KCNIP1: variants seen among roughly 807,000 people sequenced by gnomAD.
KCNIP1 encodes A-type potassium channel modulatory protein KCNIP1.
Under a neutral mutation model 33.0 loss-of-function variants are expected in KCNIP1, and 18 were observed. The observed-to-expected ratio is 0.55, with a 90% confidence interval of 0.38 to 0.81. The LOEUF (loss-of-function observed/expected upper bound fraction) is 0.81, where lower values mean the gene tolerates loss of function less well. Ranked by LOEUF, KCNIP1 falls within the 30% of genes least tolerant of loss-of-function variation. The probability of loss-of-function intolerance (pLI) is 0.00; values close to 1 mark genes in which losing one functional copy is unlikely to be tolerated. For missense variants in KCNIP1, 238 were observed against 271.6 expected (o/e 0.88, Z 0.87); for synonymous variants, 93 against 98.3 (o/e 0.95, Z 0.32).
At chr5:170,564,892 T>C (rs1360444572) in intron 1 of KCNIP1, among the ~76,000 whole-genome samples, 1 of 152,112 alleles carries the variant, frequency 6.6e-6, no homozygotes, top group East Asian at 1.9e-4. Flanking sequence ...TCATTTGCCA[T>C]ATACAGAAAC....
exon 1 of KCNIP1, chr5:170,353,622 C>T: frequency 1.8e-6 from 1 of 562,206 alleles, no homozygotes; most frequent in East Asian, 3.0e-5. Flanking sequence ...ATCCTGAGGT[C>T]CTCCCGTGGT....
At chr5:170,561,740 A>G (rs1350770954) in intron 1 of KCNIP1, among the ~76,000 whole-genome samples, 1 of 152,204 alleles carries the variant, frequency 6.6e-6, no homozygotes, top group East Asian at 1.9e-4. Context: ...AGTTCAATAC[A>G]GTATATATTC....
intron 1 of KCNIP1, among the ~76,000 whole-genome samples, chr5:170,622,744 G>C (rs1372633230): frequency 6.6e-6 from 1 of 152,116 alleles, no homozygotes; most frequent in East Asian, 1.9e-4. Flanking sequence ...CAGAAGCCAG[G>C]GAAGCCTAGG....
intron 1 of KCNIP1, among the ~76,000 whole-genome samples, chr5:170,453,199 T>C (rs1756296423): frequency 6.6e-6 from 1 of 152,192 alleles, no homozygotes; most frequent in African/African-American, 2.4e-5. Flanking sequence ...GAGCATTTGC[T>C]CTCAAAATGC....
chr5:170,681,462 T>A, intron 1 of KCNIP1: 1 of 249,758 alleles, frequency 4.0e-6, no homozygotes, highest in Non-Finnish European at 7.6e-6. Flanking sequence ...GATTATTAGC[T>A]ATGGGTGAGG....
intron 1 of KCNIP1, among the ~76,000 whole-genome samples, chr5:170,455,942 A>T (rs2113088872): frequency 6.6e-6 from 1 of 152,364 alleles, no homozygotes; most frequent in African/African-American, 2.4e-5. Context: ...CATTTGACCC[A>T]GCAATCCCAT....
intron 1 of KCNIP1, among the ~76,000 whole-genome samples, chr5:170,567,040 A>G (rs1757227787): frequency 6.6e-6 from 1 of 152,246 alleles, no homozygotes; most frequent in African/African-American, 2.4e-5. Flanking sequence ...ACAGAAATGC[A>G]TAAATCCCAG....
chr5:170,729,374 G>A (rs577009502), intron 5 of KCNIP1, among the ~76,000 whole-genome samples: 12 of 152,128 alleles, frequency 7.9e-5, no homozygotes, highest in South Asian at 4.1e-4. Context: ...ATATTCCTCA[G>A]TAGACATTCA....
chr5:170,715,917 C>T (rs907930622), intron 1 of KCNIP1, among the ~76,000 whole-genome samples: 1 of 152,230 alleles, frequency 6.6e-6, no homozygotes, highest in Non-Finnish European at 1.5e-5. Context: ...GGTTCACGCT[C>T]TTCTCTCCTC....
chr5:170,630,312 A>T (rs1341357284), intron 1 of KCNIP1, among the ~76,000 whole-genome samples: 1 of 152,236 alleles, frequency 6.6e-6, no homozygotes, highest in Non-Finnish European at 1.5e-5. Context: ...AGCACCGATG[A>T]CTTAATGTAC....
At position 170,366,300 on chromosome 5, in the gene KCNIP1, G is replaced by A. The variant is rs536323327; in HGVS notation, c.88+12336G>A. On this transcript the variant is annotated intron_variant, in intron 1 of 7. Transcript: ENST00000377360. ...TGTCTTTGTATAGAGTCCACCGGGG[G>A]CTCAACAGAGGAGGTGGAGGAGGCC... Among the ~76,000 whole-genome samples, 104 of 152,232 alleles carry A rather than the reference G, an allele frequency of 6.8e-4. 1 individual carries two copies. Among genetic ancestry groups the A allele is most frequent in the Non-Finnish European group, 1.4e-3 (94 of 68,046 alleles).
intron 1 of KCNIP1, among the ~76,000 whole-genome samples, chr5:170,517,603 T>C (rs1755178557): frequency 7.0e-6 from 1 of 142,864 alleles, no homozygotes; most frequent in Non-Finnish European, 1.5e-5. Context: ...GTAGTGATGG[T>C]GATGATGATG....
At chr5:170,599,844 G>C (rs1758623732) in intron 1 of KCNIP1, among the ~76,000 whole-genome samples, 1 of 152,196 alleles carries the variant, frequency 6.6e-6, no homozygotes, top group Non-Finnish European at 1.5e-5. Flanking sequence ...AGTCAAACAA[G>C]CACTTATTGA....
intron 1 of KCNIP1, among the ~76,000 whole-genome samples, chr5:170,607,420 C>T (rs558956888): frequency 3.3e-5 from 5 of 152,276 alleles, no homozygotes; most frequent in Admixed American, 6.5e-5. Flanking sequence ...TGATGACCAC[C>T]GTATGCTCCA....
intron 1 of KCNIP1, among the ~76,000 whole-genome samples, chr5:170,495,687 C>T (rs906537835): frequency 2.0e-5 from 3 of 152,224 alleles, no homozygotes; most frequent in Non-Finnish European, 4.4e-5. Flanking sequence ...TCTCAAAATC[C>T]AAGATGTGAC....
chr5:170,668,759 T>G (rs971783859), intron 1 of KCNIP1, among the ~76,000 whole-genome samples: 10 of 152,342 alleles, frequency 6.6e-5, no homozygotes, highest in African/African-American at 2.4e-4. Context: ...GCAGCCCAGA[T>G]GACTGGGGTC....
In KCNIP1 at chr5:170,712,731, C is replaced by T. The variant is rs1392029840; in HGVS notation, c.62-6027C>T. 9 of 893,070 alleles carry T rather than the reference C, an allele frequency of 1.0e-5. No homozygotes were observed. The Admixed American group carries it at 1.6e-4, about 15-fold the overall frequency. The allele number at this position is 893,070 out of a possible 1,614,324, so 55.3% of individuals were successfully genotyped here. The stretch of plus-strand genomic sequence containing the variant: ...GCTCCAGCTCTGCTACTGAGAGGCT[C>T]TTCGCATATGTCAAGCTGGACGACG... On this transcript the variant is annotated intron_variant, in intron 1 of 7. Transcript: ENST00000328939.
At chr5:170,671,256 A>T (rs1173343108) in intron 1 of KCNIP1, among the ~76,000 whole-genome samples, 2 of 151,988 alleles carry the variant, frequency 1.3e-5, no homozygotes, top group Non-Finnish European at 2.9e-5. Context: ...GTGCCTCCCA[A>T]CCTGATCTGT....
chr5:170,698,151 G>T (rs546825727), intron 1 of KCNIP1, among the ~76,000 whole-genome samples: 2 of 152,256 alleles, frequency 1.3e-5, no homozygotes, highest in Admixed American at 1.3e-4. Flanking sequence ...ACCGCCATGT[G>T]GTAAGCACTG....
Sources: gnomAD v4.1 joint callset for allele counts (sites outside exome capture counted in the v4.1 genomes callset) on GRCh38, gnomAD v4.1.1 for gene constraint, MANE v1.5 for transcripts, NCBI Gene and HGNC (gene_info 2026-07-23, HGNC 2026-07-21) for gene names.